FCGR3B: variants seen among roughly 807,000 people sequenced by gnomAD.
The protein encoded by FCGR3B is Fc gamma receptor IIIb, also known as low affinity immunoglobulin gamma Fc region receptor III-B.
In FCGR3B, 20 loss-of-function variants were observed where a neutral mutation model predicts 26.7. The ratio of observed to expected loss-of-function variants is 0.75; its 90% CI spans 0.53 to 1.09. The LOEUF is 1.09. FCGR3B is among the 50% of genes least tolerant of loss of function. The pLI, the probability that FCGR3B is intolerant of heterozygous loss-of-function variation, is 0.00. For missense variants in FCGR3B, 191 were observed against 279.7 expected (o/e 0.68, Z 2.26); for synonymous variants, 79 against 107.0 (o/e 0.74, Z 1.62).
intron 3 of FCGR3B, among the ~76,000 whole-genome samples, chr1:161,628,364 G>A (rs1254941302): frequency 6.7e-6 from 1 of 150,076 alleles, no homozygotes; most frequent in African/African-American, 2.5e-5. Flanking sequence ...AAGGAATAAA[G>A]GATGCTCAGA....
chr1:161,628,089 C>A (rs1301568899), intron 3 of FCGR3B, among the ~76,000 whole-genome samples: 1 of 149,568 alleles, frequency 6.7e-6, no homozygotes, highest in South Asian at 2.1e-4. Context: ...CTGGCTAATG[C>A]CGTGAAACCC....
chr1:161,628,090 C>G (rs567624342), intron 3 of FCGR3B, among the ~76,000 whole-genome samples: 2 of 149,278 alleles, frequency 1.3e-5, no homozygotes, highest in Non-Finnish European at 3.0e-5. Context: ...TGGCTAATGC[C>G]GTGAAACCCT....
In FCGR3B at chr1:161,626,053, A is replaced by G; in HGVS notation, c.577+92T>C. ...CACATATGAAGAAGTGCGTGTAAGAATCAGGAATCTCCTCCCAACTCAACT... is the reference window on the plus strand; with the variant it reads ...CACATATGAAGAAGTGCGTGTAAGAGTCAGGAATCTCCTCCCAACTCAACT... On this transcript the variant is annotated intron_variant, in intron 4 of 4. Transcript: ENST00000650385. 3 of 1,468,568 alleles carry G rather than the reference A, an allele frequency of 2.0e-6. No individual in the cohort carries two copies. The Admixed American group carries it at 5.7e-5, about 28-fold the overall frequency. The allele number at this position is 1,468,568 out of a possible 1,614,324, so 91.0% of individuals were successfully genotyped here.
chr1:161,630,798 C>T, intron 1 of FCGR3B: 3 of 751,320 alleles, frequency 4.0e-6, no homozygotes, highest in Non-Finnish European at 6.1e-6. Flanking sequence ...AGTCGAAGCT[C>T]TTTGGTTCCA....
chr1:161,628,694 C>T lies in FCGR3B; in HGVS notation c.319+1084G>A, dbSNP rs1038311257. On this transcript the variant is annotated intron_variant, in intron 3 of 4. Coordinates refer to ENST00000650385, the MANE Select transcript of FCGR3B (RefSeq NM_001244753.2). ...CCATGGAGCTCTCTTGCAGATCCAC[C>T]TCCTTATGCCCTTCTTCCCCCAAAG... Among the ~76,000 whole-genome samples, 6 of 144,362 alleles carry T rather than the reference C, an allele frequency of 4.2e-5. 1 individual carries two copies. Among genetic ancestry groups the T allele is most frequent in the Non-Finnish European group, 9.1e-5 (6 of 66,278 alleles). 94.7% of individuals were successfully genotyped at this position (144,362 alleles called of 152,430 possible). A position where few individuals can be genotyped will look rare whatever the true frequency, so the allele number is the denominator to read the frequency against.
At chr1:161,628,817 T>A (rs1239947486) in intron 3 of FCGR3B, among the ~76,000 whole-genome samples, 5 of 145,004 alleles carry the variant, frequency 3.4e-5, no homozygotes, top group Non-Finnish European at 7.5e-5. Context: ...GTGGTAAGAT[T>A]GTAGGGACAC....
chr1:161,624,843 A>G lies in FCGR3B; in HGVS notation c.578-204T>C, dbSNP rs1679384009. Among the ~76,000 whole-genome samples, 3 of 148,068 alleles carry G rather than the reference A, an allele frequency of 2.0e-5. No individual in the cohort carries two copies. In the South Asian group the frequency reaches 6.5e-4, roughly 32 times the overall value. On this transcript the variant is annotated intron_variant, in intron 4 of 4. Coordinates refer to ENST00000650385, the MANE Select transcript of FCGR3B (RefSeq NM_001244753.2). The stretch of plus-strand genomic sequence containing the variant: ...ATCTGAGCAGAGGACAGCTCACCAA[A>G]CACTTAGCAAAGGCTCCTGCTTGTT...
At chr1:161,631,002 A>C (rs76732376) in intron 1 of FCGR3B, 53 bp downstream of exon 1, 539,287 of 1,468,462 alleles carry the variant, frequency 0.37, 104,700 homozygotes, top group East Asian at 0.62. Flanking sequence ...GGGGTGTCTG[A>C]TGAACCCAAG....
Position 161,630,391 on chromosome 1 carries a change from G to T in FCGR3B, c.41-3C>A, listed in dbSNP as rs774759172. Reference sequence around the variant, plus strand: ...ACCAGTCCGCATGCCAGCTGAAACTGCAAGAAAAAAGAGTAAATCAAATAT... The same window carrying T: ...ACCAGTCCGCATGCCAGCTGAAACTTCAAGAAAAAAGAGTAAATCAAATAT... On this transcript the variant is annotated splice_polypyrimidine_tract_variant and splice_region_variant and intron_variant, in intron 1 of 4. Transcript: ENST00000650385. 7 of 1,605,618 alleles carry T rather than the reference G, an allele frequency of 4.4e-6. No individual in the cohort carries two copies. Among genetic ancestry groups the T allele is most frequent in the Non-Finnish European group, 6.0e-6 (7 of 1,176,316 alleles).
In FCGR3B at chr1:161,631,158, T is replaced by G. The variant is rs1379208451; in HGVS notation, c.-64A>C. On this transcript the variant is annotated 5_prime_UTR_variant, in exon 1 of 5. Coordinates refer to ENST00000650385, the MANE Select transcript of FCGR3B (RefSeq NM_001244753.2). Reference sequence around the variant, plus strand: ...GGAGCCCTAAAGGGACCAAGCCGACTAGACAGGAGGGAGTAAACAGCCTTT... The same window carrying G: ...GGAGCCCTAAAGGGACCAAGCCGACGAGACAGGAGGGAGTAAACAGCCTTT... 6.2e-7 allele frequency: 1 copy of G among 1,607,516 alleles called. No individual in the cohort carries two copies.
chr1:161,627,022 C>T (rs1184504202), intron 3 of FCGR3B, among the ~76,000 whole-genome samples: 1 of 149,836 alleles, frequency 6.7e-6, no homozygotes, highest in African/African-American at 2.5e-5. Flanking sequence ...TCGGTGAGAC[C>T]AACTTTATTA....
chr1:161,626,998 G>C (rs1237542343), intron 3 of FCGR3B, among the ~76,000 whole-genome samples: 3 of 149,888 alleles, frequency 2.0e-5, no homozygotes, highest in African/African-American at 7.5e-5. Flanking sequence ...TGGTTTCTAA[G>C]GTGTCACAGG....
At chr1:161,628,487 A>G (rs1679586576) in intron 3 of FCGR3B, among the ~76,000 whole-genome samples, 1 of 149,408 alleles carries the variant, frequency 6.7e-6, no homozygotes, top group Admixed American at 6.7e-5. Context: ...TAACTCCTAG[A>G]CTTGATTTTT....
chr1:161,628,555 A>G (rs146144997), intron 3 of FCGR3B, among the ~76,000 whole-genome samples: 2,573 of 148,822 alleles, frequency 0.017, 240 homozygotes, highest in African/African-American at 0.061. Context: ...GACATCTCTT[A>G]CCTAGCTAGA....
Position 161,631,090 on chromosome 1 carries a change from C to G in FCGR3B, c.5G>C (p.Trp2Ser). The change falls in exon 1 of 5, where the codon TGG becomes TCG. Residue 2 changes from tryptophan to serine, a missense_variant. Around this residue, in one of 2 missense-constraint regions of FCGR3B, gnomAD observed 88 missense variants for 165.2 expected, o/e 0.53. Coordinates refer to ENST00000650385, the MANE Select transcript of FCGR3B (RefSeq NM_001244753.2). The stretch of plus-strand genomic sequence containing the variant: ...CAGAGCAGTTGGGAGGAGCAGCTGC[C>G]ACATGATGCCACACTGGAGTGGACA... M[W>S]QLLLPTALLL... 3 of 1,607,046 alleles carry G rather than the reference C, an allele frequency of 1.9e-6. No homozygotes were observed. Among genetic ancestry groups the G allele is most frequent in the Non-Finnish European group, 2.5e-6 (3 of 1,177,316 alleles).
intron 1 of FCGR3B, chr1:161,630,651 G>A (rs1570988186): frequency 3.5e-6 from 2 of 563,580 alleles, no homozygotes; most frequent in Non-Finnish European, 6.4e-6. Context: ...CAAATTAAGG[G>A]TACAGGTTGA....
upstream of FCGR3B, chr1:161,631,452 G>C (rs1196629316): frequency 1.9e-6 from 1 of 539,582 alleles, no homozygotes; most frequent in Non-Finnish European, 3.2e-6. Flanking sequence ...GATCCACCCA[G>C]CACCAAGAAT....
At chr1:161,628,019 A>C (rs1478176101) in intron 3 of FCGR3B, among the ~76,000 whole-genome samples, 3 of 150,164 alleles carry the variant, frequency 2.0e-5, no homozygotes, top group African/African-American at 7.4e-5. Context: ...CACATCTGTA[A>C]TCCTAGTACT....
rs1397364925 is a variant in FCGR3B at position 161,631,045 on chromosome 1, C to T, written c.40+10G>A. On this transcript the variant is annotated intron_variant, in intron 1 of 4. Transcript: ENST00000650385. ...AAACTTCTCCCTCAACCAGGGAGAT[C>T]CTGACTTACCTAGAAGTAGCAGAGC... 2 of 1,604,128 alleles carry T rather than the reference C, an allele frequency of 1.2e-6. No individual in the cohort carries two copies. Among genetic ancestry groups the T allele is most frequent in the African/African-American group, 2.8e-5 (2 of 72,620 alleles).
Sources: gnomAD v4.1 joint callset for allele counts (sites outside exome capture counted in the v4.1 genomes callset) on GRCh38, gnomAD v4.1.1 for gene constraint, gnomAD v4.1.1 regional missense constraint, MANE v1.5 for transcripts, NCBI Gene and HGNC (gene_info 2026-07-23, HGNC 2026-07-21) for gene names.